CSNK1G1: variants seen among roughly 807,000 people sequenced by gnomAD.
CSNK1G1 encodes casein kinase I isoform gamma-1.
In CSNK1G1, 22 loss-of-function variants were observed where a neutral mutation model predicts 59.6. The observed-to-expected ratio is 0.37, with a 90% CI of 0.26 to 0.53. CSNK1G1 has a LOEUF of 0.53. CSNK1G1 is among the 20% of genes least tolerant of loss of function. The probability of loss-of-function intolerance (pLI) is 0.89; values close to 1 mark genes in which losing one functional copy is unlikely to be tolerated. For missense variants in CSNK1G1, 384 were observed against 519.5 expected, an observed-to-expected ratio of 0.74 and a Z score of 2.54; for synonymous variants, 179 against 177.1, an observed-to-expected ratio of 1.01 and a Z score of -0.08.
At chr15:64,225,085 T>C (rs1193209546) in intron 4 of CSNK1G1, among the ~76,000 whole-genome samples, 1 of 149,300 alleles carries the variant, frequency 6.7e-6, no homozygotes, top group Non-Finnish European at 1.5e-5. Flanking sequence ...TTTGGGTCAC[T>C]GCAACCTCTA....
At chr15:64,233,059 G>T (rs1044806808) in intron 4 of CSNK1G1, among the ~76,000 whole-genome samples, 8 of 152,136 alleles carry the variant, frequency 5.3e-5, no homozygotes, top group Non-Finnish European at 1.0e-4. Flanking sequence ...TTACATGGGT[G>T]TATTTCTAGA....
chr15:64,203,694 TAAAAAAAAAA>T (rs531367701), intron 9 of CSNK1G1, among the ~76,000 whole-genome samples: 1 of 56,178 alleles, frequency 1.8e-5, no homozygotes, highest in African/African-American at 7.7e-5. Context: ...TGAAACTCCG[TAAAAAAAAAA>T]AAAAAAAAAA....
intron 1 of CSNK1G1, among the ~76,000 whole-genome samples, chr15:64,331,123 T>C (rs1029820051): frequency 6.7e-6 from 1 of 149,364 alleles, no homozygotes; most frequent in Non-Finnish European, 1.5e-5. Context: ...ACAGATTCAA[T>C]GCCATCCCCA....
chr15:64,353,131 C>T lies in CSNK1G1; in HGVS notation c.-225+2857G>A, dbSNP rs527631754. On this transcript the variant is annotated intron_variant, in intron 1 of 11. Transcript: ENST00000303052. Reference sequence around the variant, plus strand: ...AAATTTCTCACAAATTTACACAAAACTTATGAACTTCTCAAAAAAGGTCAA... The same window carrying T: ...AAATTTCTCACAAATTTACACAAAATTTATGAACTTCTCAAAAAAGGTCAA... Among the ~76,000 whole-genome samples, 14 of 152,134 alleles carry T rather than the reference C, an allele frequency of 9.2e-5. No homozygotes were observed. In the South Asian group the frequency reaches 2.9e-3, roughly 32 times the overall value.
At chr15:64,189,887 C>T (rs111356363) in intron 10 of CSNK1G1, among the ~76,000 whole-genome samples, 636 of 148,720 alleles carry the variant, frequency 4.3e-3, no homozygotes, top group Admixed American at 7.9e-3. Context: ...GGCGCATTCT[C>T]GGCTCACTGC....
At chr15:64,237,653 C>A (rs1248179753) in intron 4 of CSNK1G1, among the ~76,000 whole-genome samples, 1 of 152,104 alleles carries the variant, frequency 6.6e-6, no homozygotes, top group Non-Finnish European at 1.5e-5. Flanking sequence ...TTATAATGTA[C>A]TCCTAAGGAT....
intron 1 of CSNK1G1, among the ~76,000 whole-genome samples, chr15:64,352,915 G>C (rs4461023): frequency 0.95 from 144,639 of 151,934 alleles, 69,170 homozygotes; most frequent in East Asian, 1. Flanking sequence ...ATGGCAAAAC[G>C]CCTTCTCTAC....
intron 1 of CSNK1G1, among the ~76,000 whole-genome samples, chr15:64,329,157 C>T (rs1227923147): frequency 3.9e-5 from 6 of 152,120 alleles, no homozygotes; most frequent in Admixed American, 2.6e-4. Flanking sequence ...TTGAACTCAG[C>T]TCTGCACCAA....
chr15:64,173,861 G>C (rs1319802350), intron 11 of CSNK1G1, among the ~76,000 whole-genome samples: 1 of 151,952 alleles, frequency 6.6e-6, no homozygotes, highest in Non-Finnish European at 1.5e-5. Flanking sequence ...TGATCCACCT[G>C]CCTCGGCCTC....
At chr15:64,178,536 C>T (rs1268414119) in intron 11 of CSNK1G1, among the ~76,000 whole-genome samples, 4 of 143,532 alleles carry the variant, frequency 2.8e-5, no homozygotes, top group African/African-American at 5.4e-5. Context: ...GGATGGAGTG[C>T]GGTGGCACAA....
chr15:64,218,113 A>G (rs1230857364), intron 4 of CSNK1G1, among the ~76,000 whole-genome samples: 1 of 151,702 alleles, frequency 6.6e-6, no homozygotes, highest in African/African-American at 2.4e-5. Flanking sequence ...ACACCAGACT[A>G]AATTTTTGAT....
At chr15:64,319,879 G>C (rs964829989) in intron 1 of CSNK1G1, among the ~76,000 whole-genome samples, 1 of 145,850 alleles carries the variant, frequency 6.9e-6, no homozygotes, top group African/African-American at 2.6e-5. Flanking sequence ...GAAAAATACT[G>C]CTTGTATAAA....
chr15:64,285,978 A>C (rs1387445149), intron 2 of CSNK1G1, among the ~76,000 whole-genome samples: 1 of 152,168 alleles, frequency 6.6e-6, no homozygotes, highest in African/African-American at 2.4e-5. Flanking sequence ...CTCACTTCCT[A>C]ATACCAATTC....
intron 1 of CSNK1G1, among the ~76,000 whole-genome samples, chr15:64,308,498 T>A (rs1331770003): frequency 6.6e-6 from 1 of 152,172 alleles, no homozygotes; most frequent in African/African-American, 2.4e-5. Context: ...TCCAGCTCTC[T>A]CACACTCATT....
chr15:64,346,478 A>G (rs1897986440), intron 1 of CSNK1G1, among the ~76,000 whole-genome samples: 1 of 148,208 alleles, frequency 6.7e-6, no homozygotes, highest in Admixed American at 6.9e-5. Flanking sequence ...TTATTTTGAG[A>G]CATAGGTTTG....
rs187151310 is a variant in CSNK1G1 at position 64,230,422 on chromosome 15, C to T, written c.293-13709G>A. On this transcript the variant is annotated intron_variant, in intron 4 of 11. Coordinates refer to ENST00000303052, the MANE Select transcript of CSNK1G1 (RefSeq NM_022048.5). ...AAGCAATATTCCCACCTCAGCCTCC[C>T]GAGTGGCTGGGACTTACAGACGTGT... 3.6e-3 allele frequency among the ~76,000 whole-genome samples: 552 copies of T among 151,626 alleles called. 2 individuals are homozygous for T. Among genetic ancestry groups the T allele is most frequent in the Middle Eastern group, 0.017 (5 of 294 alleles).
At chr15:64,321,259 T>C (rs58082630) in intron 1 of CSNK1G1, among the ~76,000 whole-genome samples, 2,249 of 140,928 alleles carry the variant, frequency 0.016, 51 homozygotes, top group African/African-American at 0.047. Context: ...CTTTTTTTCC[T>C]TTTTTTTTTT....
chr15:64,330,507 G>A lies in CSNK1G1; in HGVS notation c.-225+25481C>T, dbSNP rs1380183076. Among the ~76,000 whole-genome samples, 377 of 116,890 alleles carry A rather than the reference G, an allele frequency of 3.2e-3. 1 individual carries two copies. Among genetic ancestry groups the A allele is most frequent in the Non-Finnish European group, 5.5e-3 (315 of 57,500 alleles). The allele number at this position is 116,890 out of a possible 152,430, so 76.7% of individuals were successfully genotyped here. A position where few individuals can be genotyped will look rare whatever the true frequency, so the allele number is the denominator to read the frequency against. On this transcript the variant is annotated intron_variant, in intron 1 of 11. Coordinates refer to ENST00000303052, the MANE Select transcript of CSNK1G1 (RefSeq NM_022048.5). ...ATGCTAAAAACTCTCAATAAATTAG[G>A]TATTGATGGGACGTATTTCAAAATA...
intron 3 of CSNK1G1, among the ~76,000 whole-genome samples, chr15:64,257,839 A>G (rs534825361): frequency 3.9e-4 from 60 of 152,252 alleles, no homozygotes; most frequent in African/African-American, 1.3e-3. Flanking sequence ...ATCCTCTAAT[A>G]TTCAATCTAA....
Sources: allele counts gnomAD v4.1 joint callset (sites outside exome capture counted in the v4.1 genomes callset), GRCh38; gene constraint gnomAD v4.1.1; transcripts MANE v1.5; gene names NCBI Gene and HGNC (gene_info 2026-07-23, HGNC 2026-07-21).